CHODL: variants seen among roughly 807,000 people sequenced by gnomAD.
The protein encoded by CHODL is transmembrane protein MT75.
In CHODL, 29 loss-of-function variants were observed where a neutral mutation model predicts 34.5. The observed-to-expected ratio is 0.84, with a 90% confidence interval of 0.63 to 1.15. CHODL has a LOEUF of 1.15. Among genes scored for constraint, CHODL ranks in the 50% most tolerant of loss-of-function variants. The pLI, the probability that CHODL is intolerant of heterozygous loss-of-function variation, is 0.00. For synonymous variants in CHODL, 125 were observed against 116.1 expected, an observed-to-expected ratio of 1.08 and a Z score of -0.49; for missense variants, 332 against 332.5, an observed-to-expected ratio of 1.00 and a Z score of 0.01.
intron 2 of CHODL, among the ~76,000 whole-genome samples, chr21:18,055,605 G>C (rs1315679847): frequency 6.6e-6 from 1 of 152,050 alleles, no homozygotes; most frequent in Non-Finnish European, 1.5e-5. Context: ...GCTCACCACA[G>C]TTAGCATATC....
At chr21:18,038,545 G>A (rs2064337819) in intron 2 of CHODL, among the ~76,000 whole-genome samples, 1 of 151,590 alleles carries the variant, frequency 6.6e-6, no homozygotes, top group Non-Finnish European at 1.5e-5. Context: ...TGCTTTCACT[G>A]TATTTCCATT....
chr21:18,264,601 C>CA (rs564344974), intron 5 of CHODL, among the ~76,000 whole-genome samples: 1,945 of 68,326 alleles, frequency 0.028, 50 homozygotes, highest in African/African-American at 0.053. Context: ...GGGTCTGTCT[C>CA]AAAAAAAAAA....
intron 1 of CHODL, among the ~76,000 whole-genome samples, chr21:18,254,398 G>A (rs1301751991): frequency 1.3e-5 from 2 of 152,030 alleles, no homozygotes; most frequent in Non-Finnish European, 2.9e-5. Context: ...GCTAAAATAG[G>A]GCAAGACTCA....
chr21:18,266,843 GAAC>G lies in CHODL; in HGVS notation c.*808_*810del, dbSNP rs1389645878. On this transcript the variant is annotated 3_prime_UTR_variant, in exon 6 of 6. Transcript: ENST00000299295. ...GCATAAACACTAATGCAGTCAATTT[GAAC>G]AAAAGAAGTGACATACACAATATAA... 5 of 152,642 alleles carry G rather than the reference GAAC, an allele frequency of 3.3e-5. No individual in the cohort carries two copies. The highest frequency in any genetic ancestry group is 9.6e-5 in the African/African-American group (4 of 41,532). The allele number at this position is 152,642 out of a possible 1,614,324, so 9.5% of individuals were successfully genotyped here. A position where few individuals can be genotyped will look rare whatever the true frequency, so the allele number is the denominator to read the frequency against.
At chr21:18,167,246 T>G (rs959842149) in intron 2 of CHODL, among the ~76,000 whole-genome samples, 10 of 151,012 alleles carry the variant, frequency 6.6e-5, no homozygotes, top group African/African-American at 2.2e-4. Flanking sequence ...TGTGTGTGTG[T>G]GTGTGTGTGT....
Position 18,013,635 on chromosome 21 carries a change from C to T in CHODL, c.-144-14237C>T, listed in dbSNP as rs1025032596. Reference sequence around the variant, plus strand: ...GATCATTGATTTTCTGCTGCTGCTGCTTTTTTTTTTTTTTTTTGAGACAGA... The same window carrying T: ...GATCATTGATTTTCTGCTGCTGCTGTTTTTTTTTTTTTTTTTTGAGACAGA... On this transcript the variant is annotated intron_variant, in intron 1 of 6. Coordinates refer to the CHODL transcript ENST00000400127. 1.1e-3 allele frequency among the ~76,000 whole-genome samples: 78 copies of T among 71,876 alleles called. 1 individual carries two copies. Among genetic ancestry groups the T allele is most frequent in the African/African-American group, 2.0e-3 (31 of 15,806 alleles). 47.2% of individuals were successfully genotyped at this position (71,876 alleles called of 152,430 possible). A position where few individuals can be genotyped will look rare whatever the true frequency, so the allele number is the denominator to read the frequency against.
chr21:17,964,985 C>T (rs2824580), intron 1 of CHODL, among the ~76,000 whole-genome samples: 52,982 of 152,064 alleles, frequency 0.35, 9,793 homozygotes, highest in East Asian at 0.67. Context: ...CAGTAAATAA[C>T]AGTTTGGAAA....
At chr21:18,068,556 C>G (rs1207829629) in intron 2 of CHODL, among the ~76,000 whole-genome samples, 1 of 152,148 alleles carries the variant, frequency 6.6e-6, no homozygotes, top group Non-Finnish European at 1.5e-5. Flanking sequence ...CTAAACTTTA[C>G]CCCTTAATCC....
chr21:18,126,815 C>T (rs1466496126), intron 2 of CHODL, among the ~76,000 whole-genome samples: 2 of 152,134 alleles, frequency 1.3e-5, no homozygotes, highest in African/African-American at 2.4e-5. Flanking sequence ...AGTAAAAAAT[C>T]CATGATGCTC....
At chr21:17,981,876 G>A (rs926673488) in intron 1 of CHODL, among the ~76,000 whole-genome samples, 6 of 152,154 alleles carry the variant, frequency 3.9e-5, no homozygotes, top group African/African-American at 1.2e-4. Context: ...AGAACTAAAT[G>A]TAAAAGAAGA....
intron 2 of CHODL, among the ~76,000 whole-genome samples, chr21:18,181,441 C>T (rs548726386): frequency 6.6e-5 from 10 of 152,316 alleles, no homozygotes; most frequent in Non-Finnish European, 1.5e-5. Flanking sequence ...CTCGCTCTGT[C>T]GCCTAGGCTG....
intron 1 of CHODL, among the ~76,000 whole-genome samples, chr21:18,008,302 A>G (rs1431576702): frequency 2.7e-5 from 3 of 109,264 alleles, no homozygotes; most frequent in Non-Finnish European, 5.7e-5. Context: ...ATCTCCAAAA[A>G]TTTCTTTGTT....
At chr21:18,105,489 G>A (rs1313101299) in intron 2 of CHODL, among the ~76,000 whole-genome samples, 1 of 152,146 alleles carries the variant, frequency 6.6e-6, no homozygotes, top group Non-Finnish European at 1.5e-5. Flanking sequence ...TTTGTTGCTT[G>A]AAATTAAGGA....
chr21:18,094,902 T>A (rs2736254), intron 2 of CHODL, among the ~76,000 whole-genome samples: 55,309 of 151,880 alleles, frequency 0.36, 12,285 homozygotes, highest in Non-Finnish European at 0.51. Flanking sequence ...AGCAGGCAGA[T>A]CTCCTGAGGT....
chr21:18,052,522 T>C (rs138427884), intron 2 of CHODL, among the ~76,000 whole-genome samples: 22 of 152,058 alleles, frequency 1.4e-4, no homozygotes, highest in Non-Finnish European at 2.5e-4. Context: ...AGTCTGTACT[T>C]TGTTAGAAGA....
intron 2 of CHODL, among the ~76,000 whole-genome samples, chr21:18,135,446 G>C (rs1027605237): frequency 1.3e-5 from 2 of 151,980 alleles, no homozygotes; most frequent in Non-Finnish European, 2.9e-5. Context: ...GGAAGCAATT[G>C]AGTAGCCTCA....
intron 1 of CHODL, among the ~76,000 whole-genome samples, chr21:18,007,928 CAG>C (rs2063975779): frequency 6.6e-6 from 1 of 152,054 alleles, no homozygotes; most frequent in South Asian, 2.1e-4. Flanking sequence ...AGTGAGAAAA[CAG>C]AGGGATATTT....
At chr21:18,117,650 A>G (rs1045179825) in intron 2 of CHODL, among the ~76,000 whole-genome samples, 6 of 152,174 alleles carry the variant, frequency 3.9e-5, no homozygotes, top group Non-Finnish European at 8.8e-5. Context: ...GAGAAATACA[A>G]TAAAAAATGA....
chr21:17,996,778 T>G (rs1477375462), intron 1 of CHODL, among the ~76,000 whole-genome samples: 1 of 152,216 alleles, frequency 6.6e-6, no homozygotes, highest in East Asian at 1.9e-4. Flanking sequence ...CTGAAGGTGT[T>G]TAATCAGAGG....
Sources: allele counts gnomAD v4.1 joint callset (sites outside exome capture counted in the v4.1 genomes callset), GRCh38; gene constraint gnomAD v4.1.1; transcripts MANE v1.5; gene names NCBI Gene and HGNC (gene_info 2026-07-23, HGNC 2026-07-21).